The following IQCM variants were observed in gnomAD, a reference collection of about 807,000 sequenced individuals.
IQCM encodes the protein IQ motif containing M.
Under a neutral mutation model 57.6 loss-of-function variants are expected in IQCM, and 45 were observed. That is an observed-to-expected ratio of 0.78 (90% CI 0.62 to 1.00). The LOEUF is 1.00. Ranked by LOEUF, IQCM falls within the 50% of genes least tolerant of loss-of-function variation. The pLI is 0.00. For synonymous variants in IQCM, 148 were observed against 158.9 expected, an observed-to-expected ratio of 0.93 and a Z score of 0.51; for missense variants, 468 against 511.6, an observed-to-expected ratio of 0.91 and a Z score of 0.82.
At chr4:149,777,347 G>A (rs546627971) in intron 2 of IQCM, among the ~76,000 whole-genome samples, 2 of 152,272 alleles carry the variant, frequency 1.3e-5, no homozygotes, top group East Asian at 1.9e-4. Flanking sequence ...TGATAAAAAG[G>A]ATGCGTATGT....
chr4:149,632,726 T>C (rs377122468), intron 7 of IQCM, among the ~76,000 whole-genome samples: 1 of 152,230 alleles, frequency 6.6e-6, no homozygotes, highest in South Asian at 2.1e-4. Context: ...AACTAGCTTG[T>C]GACCTTACAA....
At chr4:149,769,992 T>C (rs936563668) in intron 2 of IQCM, among the ~76,000 whole-genome samples, 11 of 151,488 alleles carry the variant, frequency 7.3e-5, no homozygotes, top group African/African-American at 2.2e-4. Context: ...AGTAAATAAA[T>C]AGCAGAGCAG....
chr4:149,504,414 G>A (rs1200417148), intron 12 of IQCM, among the ~76,000 whole-genome samples: 1 of 151,884 alleles, frequency 6.6e-6, no homozygotes, highest in Non-Finnish European at 1.5e-5. Context: ...TTCTAAATGG[G>A]GATACTACAG....
chr4:149,673,209 T>C (rs570325808), intron 7 of IQCM, among the ~76,000 whole-genome samples: 1 of 152,196 alleles, frequency 6.6e-6, no homozygotes, highest in South Asian at 2.1e-4. Flanking sequence ...AGGAAGAAAG[T>C]GTATCAACTC....
chr4:149,744,637 G>A (rs137926133), intron 2 of IQCM, among the ~76,000 whole-genome samples: 260 of 152,176 alleles, frequency 1.7e-3, no homozygotes, highest in Admixed American at 3.1e-3. Context: ...AGCTGGGGGT[G>A]TAGAACGGCC....
At chr4:149,648,734 A>C (rs914090076) in intron 7 of IQCM, among the ~76,000 whole-genome samples, 1 of 151,960 alleles carries the variant, frequency 6.6e-6, no homozygotes, top group Non-Finnish European at 1.5e-5. Flanking sequence ...AACATCACAC[A>C]CTGGGGCCTG....
intron 2 of IQCM, among the ~76,000 whole-genome samples, chr4:149,756,467 A>C (rs1768975078): frequency 6.6e-6 from 1 of 152,206 alleles, no homozygotes; most frequent in African/African-American, 2.4e-5. Context: ...CAAAATACTA[A>C]GTCTAAGAAA....
intron 5 of IQCM, among the ~76,000 whole-genome samples, chr4:149,702,703 G>A (rs1763864035): frequency 6.6e-6 from 1 of 151,906 alleles, no homozygotes; most frequent in Admixed American, 6.6e-5. Flanking sequence ...GGCATGCTCT[G>A]AATAAGATTT....
intron 7 of IQCM, among the ~76,000 whole-genome samples, chr4:149,631,107 A>G (rs1380587368): frequency 6.6e-6 from 1 of 152,198 alleles, no homozygotes; most frequent in African/African-American, 2.4e-5. Context: ...CTAGGCTCCA[A>G]TAAGAGATCC....
intron 2 of IQCM, among the ~76,000 whole-genome samples, chr4:149,811,956 T>C (rs1348928224): frequency 3.9e-5 from 6 of 152,194 alleles, no homozygotes; most frequent in African/African-American, 1.4e-4. Flanking sequence ...ATAGGCTTCA[T>C]TCAGGGAGAT....
chr4:149,398,549 A>G (rs1732393426), intron 13 of IQCM, among the ~76,000 whole-genome samples: 1 of 152,010 alleles, frequency 6.6e-6, no homozygotes, highest in Non-Finnish European at 1.5e-5. Flanking sequence ...TCAATGATCT[A>G]TAGTTTTTCA....
In IQCM at chr4:149,521,844, C is replaced by A. The variant is rs1489694696; in HGVS notation, c.1228+26611G>T. Among the ~76,000 whole-genome samples the A allele has an allele frequency of 4.6e-5, 7 of 152,160 alleles. No homozygotes were observed. In the East Asian group the frequency reaches 7.7e-4, roughly 17 times the overall value. Reference sequence around the variant, plus strand: ...CTGGAATGCTTGCTTTGTCTCCAGACAAGATGGGCCTGGAGAGCATGAGTA... The same window carrying A: ...CTGGAATGCTTGCTTTGTCTCCAGAAAAGATGGGCCTGGAGAGCATGAGTA... On this transcript the variant is annotated intron_variant, in intron 12 of 13. Coordinates refer to ENST00000636793, the MANE Select transcript of IQCM (RefSeq NM_001363507.2).
At chr4:149,392,742 A>G (rs1362903288) in intron 13 of IQCM, among the ~76,000 whole-genome samples, 2 of 152,056 alleles carry the variant, frequency 1.3e-5, no homozygotes, top group Non-Finnish European at 2.9e-5. Flanking sequence ...CAAAATTTAC[A>G]CAATGCTCCA....
At chr4:149,806,513 C>G (rs892901632) in intron 2 of IQCM, among the ~76,000 whole-genome samples, 4 of 152,044 alleles carry the variant, frequency 2.6e-5, no homozygotes, top group Non-Finnish European at 4.4e-5. Context: ...TGGTAACCAG[C>G]ATTCTGCTGT....
chr4:149,721,124 A>T (rs945035827), intron 5 of IQCM, among the ~76,000 whole-genome samples: 5 of 152,142 alleles, frequency 3.3e-5, no homozygotes, highest in African/African-American at 7.2e-5. Flanking sequence ...ATATTTTTTT[A>T]AAATACACAA....
chr4:149,412,066 T>TTGTGTGTGTGTGTG (rs35663253), intron 13 of IQCM, among the ~76,000 whole-genome samples: 5 of 148,730 alleles, frequency 3.4e-5, no homozygotes, highest in African/African-American at 4.9e-5. Context: ...GTGTGTGTGT[T>TTGTGTGTGTGTGTG]TGTGTGTGTG....
At chr4:149,741,525 A>G (rs1418400849) in intron 3 of IQCM, among the ~76,000 whole-genome samples, 4 of 152,120 alleles carry the variant, frequency 2.6e-5, no homozygotes, top group Non-Finnish European at 4.4e-5. Context: ...TCCCATCTTT[A>G]AAAGTGTTCT....
rs549800366 is a variant in IQCM at position 149,762,638 on chromosome 4, C to T, written c.-48-19899G>A. Among the ~76,000 whole-genome samples the T allele has an allele frequency of 2.7e-4, 41 of 151,962 alleles. 1 individual carries two copies. In the South Asian group the frequency reaches 7.9e-3, roughly 29 times the overall value. On this transcript the variant is annotated intron_variant, in intron 2 of 13. Transcript: ENST00000636793. The stretch of plus-strand genomic sequence containing the variant: ...TCTATAAGACAATCAATGCCAGGAG[C>T]GAAATTATATTTAATTTCTTTGTTA...
At chr4:149,773,187 T>C (rs544855596) in intron 2 of IQCM, among the ~76,000 whole-genome samples, 2 of 152,034 alleles carry the variant, frequency 1.3e-5, no homozygotes, top group Non-Finnish European at 2.9e-5. Flanking sequence ...CCATCTCTAC[T>C]AATAATACAA....
Sources: allele counts gnomAD v4.1 joint callset (sites outside exome capture counted in the v4.1 genomes callset), GRCh38; gene constraint gnomAD v4.1.1; transcripts MANE v1.5; gene names NCBI Gene and HGNC (gene_info 2026-07-23, HGNC 2026-07-21).